ABCD3: variants seen among roughly 807,000 people sequenced by gnomAD.
ABCD3 encodes the protein ATP-binding cassette sub-family D member 3.
A neutral mutation model predicts 105.5 loss-of-function variants in ABCD3; 41 were observed. That is an observed-to-expected ratio of 0.39 (90% confidence interval 0.30 to 0.50). The LOEUF is 0.50. Ranked by LOEUF, ABCD3 falls within the 20% of genes least tolerant of loss-of-function variation. The probability of loss-of-function intolerance (pLI) is 0.84; values close to 1 mark genes in which losing one functional copy is unlikely to be tolerated. For synonymous variants in ABCD3, 258 were observed against 269.0 expected, an observed-to-expected ratio of 0.96 and a Z score of 0.40; for missense variants, 622 against 806.3, an observed-to-expected ratio of 0.77 and a Z score of 2.77.
At chr1:94,463,817 C>T (rs543774100) in intron 2 of ABCD3, among the ~76,000 whole-genome samples, 2 of 152,316 alleles carry the variant, frequency 1.3e-5, no homozygotes, top group East Asian at 3.9e-4. Context: ...TCAATCTTTA[C>T]TGTGGCTTCA....
At chr1:94,459,927 G>T (rs1319726191) in intron 2 of ABCD3, among the ~76,000 whole-genome samples, 1 of 152,130 alleles carries the variant, frequency 6.6e-6, no homozygotes, top group Non-Finnish European at 1.5e-5. Flanking sequence ...TCATGTTGTT[G>T]TATCAGTATT....
chr1:94,389,078 A>G, the ABCD3 span, among the ~76,000 whole-genome samples: 1 of 152,210 alleles, frequency 6.6e-6, no homozygotes, highest in East Asian at 1.9e-4. Flanking sequence ...TCCTATTGGT[A>G]TCGCACACTT....
chr1:94,487,482 T>C lies in ABCD3; in HGVS notation c.898-60T>C, dbSNP rs567286588. 4.3e-5 allele frequency: 62 copies of C among 1,425,854 alleles called. No homozygotes were observed. The African/African-American group carries it at 7.4e-4, about 17-fold the overall frequency. 88.3% of individuals were successfully genotyped at this position (1,425,854 alleles called of 1,614,324 possible). A position where few individuals can be genotyped will look rare whatever the true frequency, so the allele number is the denominator to read the frequency against. ...AACTATACAGTTTGTTTTATCCTTA[T>C]AGTAGATTCAGTTTTTTATACAGAG... is the stretch of plus-strand genomic sequence containing the variant. On this transcript the variant is annotated intron_variant, in intron 10 of 22. Coordinates refer to ENST00000370214, the MANE Select transcript of ABCD3 (RefSeq NM_002858.4).
chr1:94,453,382 G>A (rs1297053507), intron 1 of ABCD3, among the ~76,000 whole-genome samples: 2 of 149,778 alleles, frequency 1.3e-5, no homozygotes, highest in African/African-American at 2.5e-5. Context: ...GCAGTGGCGC[G>A]ATCTCGGCTC....
intron 15 of ABCD3, among the ~76,000 whole-genome samples, 159 bp from the exon 16 acceptor site, chr1:94,491,025 C>A (rs1312945018): frequency 6.6e-6 from 1 of 152,016 alleles, no homozygotes; most frequent in Non-Finnish European, 1.5e-5. Context: ...ATGTTGAGCA[C>A]CTTTTCGTAT....
intron 16 of ABCD3, among the ~76,000 whole-genome samples, chr1:94,492,694 G>A (rs572990534): frequency 3.7e-4 from 56 of 152,012 alleles, no homozygotes; most frequent in African/African-American, 1.1e-3. Context: ...GTGAGACTTC[G>A]TTGAAGAATG....
At chr1:94,510,611 A>C (rs1334696918) in intron 21 of ABCD3, among the ~76,000 whole-genome samples, 3 of 151,892 alleles carry the variant, frequency 2.0e-5, no homozygotes, top group African/African-American at 7.3e-5. Context: ...CCCATTATTA[A>C]TGTGTGGGAG....
the ABCD3 span, among the ~76,000 whole-genome samples, chr1:94,413,034 A>C: frequency 6.6e-6 from 1 of 151,960 alleles, no homozygotes; most frequent in Non-Finnish European, 1.5e-5. Flanking sequence ...CCCTGTTTAC[A>C]GGTTGTTTTT....
At chr1:94,506,112 G>C (rs1316963838) in intron 20 of ABCD3, among the ~76,000 whole-genome samples, 1 of 152,120 alleles carries the variant, frequency 6.6e-6, no homozygotes, top group African/African-American at 2.4e-5. Flanking sequence ...AAAATTATTG[G>C]TGAGAATATT....
At chr1:94,453,408 TCC>T (rs891093947) in intron 1 of ABCD3, among the ~76,000 whole-genome samples, 4 of 151,012 alleles carry the variant, frequency 2.6e-5, no homozygotes, top group African/African-American at 9.7e-5. Flanking sequence ...AGGCTCCGCC[TCC>T]CGGGTTCACG....
At chr1:94,396,214 CA>C in the ABCD3 span, among the ~76,000 whole-genome samples, 2 of 152,146 alleles carry the variant, frequency 1.3e-5, no homozygotes, top group Admixed American at 6.5e-5. Flanking sequence ...GCAAGTTCCT[CA>C]GTGTCTCTTA....
At chr1:94,419,229 A>G (rs1454523434) in intron 1 of ABCD3, 17 of 963,500 alleles carry the variant, frequency 1.8e-5, no homozygotes, top group Non-Finnish European at 2.1e-5. Context: ...GGTCGGTGGC[A>G]TTTCATCCGG....
chr1:94,501,306 G>T (rs368143902), intron 20 of ABCD3, among the ~76,000 whole-genome samples: 2 of 151,114 alleles, frequency 1.3e-5, no homozygotes, highest in Admixed American at 6.6e-5. Flanking sequence ...TAATAGAGGC[G>T]TTTGGGAAAT....
intron 21 of ABCD3, among the ~76,000 whole-genome samples, chr1:94,506,994 TTTA>T (rs1256419318): frequency 2.0e-5 from 3 of 151,836 alleles, no homozygotes; most frequent in East Asian, 3.9e-4. Flanking sequence ...TATTTTTTAA[TTTA>T]TTATTATTAT....
the ABCD3 span, among the ~76,000 whole-genome samples, chr1:94,386,616 G>T: frequency 2.0e-5 from 3 of 152,244 alleles, no homozygotes; most frequent in African/African-American, 7.2e-5. Flanking sequence ...CAGTAAAAAT[G>T]CTGTAGGATT....
chr1:94,467,129 TCTA>T (rs992862460), intron 3 of ABCD3, among the ~76,000 whole-genome samples: 22 of 152,210 alleles, frequency 1.4e-4, no homozygotes, highest in Non-Finnish European at 2.1e-4. Context: ...CACTTTTTGT[TCTA>T]CTGAGAAGCT....
Position 94,438,636 on chromosome 1 carries a change from A to G in ABCD3, c.111-19971A>G, listed in dbSNP as rs1213118683. ...AACTTCAGTGCTGTCTTATTTTAAT[A>G]CATTGCCACAGCCACCCCAGCCTTC... On this transcript the variant is annotated intron_variant, in intron 1 of 22. Transcript: ENST00000370214. Among the ~76,000 whole-genome samples the G allele has an allele frequency of 3.3e-5, 5 of 152,224 alleles. No homozygotes were observed. The East Asian group carries it at 7.7e-4, about 23-fold the overall frequency.
chr1:94,439,920 A>G (rs538438599), intron 1 of ABCD3, among the ~76,000 whole-genome samples: 1 of 152,246 alleles, frequency 6.6e-6, no homozygotes, highest in South Asian at 2.1e-4. Flanking sequence ...TGCAGTGGCT[A>G]TTCACAGGTG....
At chr1:94,477,826 A>G (rs191430864) in intron 7 of ABCD3, among the ~76,000 whole-genome samples, 3 of 152,368 alleles carry the variant, frequency 2.0e-5, no homozygotes, top group East Asian at 3.9e-4. Flanking sequence ...GTCAAACAAT[A>G]TTGGAGCAGG....
Sources: allele counts gnomAD v4.1 joint callset (sites outside exome capture counted in the v4.1 genomes callset), GRCh38; gene constraint gnomAD v4.1.1; transcripts MANE v1.5; gene names NCBI Gene and HGNC (gene_info 2026-07-23, HGNC 2026-07-21).